DMD: variants seen among roughly 807,000 people sequenced by gnomAD.
DMD encodes the protein mutant dystrophin.
DMD carries 63 observed loss-of-function variants against 330.1 expected under a neutral mutation model. The ratio of observed to expected loss-of-function variants is 0.19; its 90% confidence interval spans 0.16 to 0.24. DMD has a LOEUF of 0.24. Among genes scored for constraint, DMD ranks in the 10% least tolerant of loss-of-function variants. The pLI, the probability that DMD is intolerant of heterozygous loss-of-function variation, is 1.00. For missense variants in DMD, 3,344 were observed against 2,684.1 expected (o/e 1.25, Z -5.43); for synonymous variants, 1,223 against 959.8 (o/e 1.27, Z -5.07).
intron 7 of DMD, among the ~76,000 whole-genome samples, chrX:32,798,982 C>G (rs1364355070): frequency 9.0e-6 from 1 of 111,205 alleles, no homozygotes; most frequent in Non-Finnish European, 1.9e-5. Flanking sequence ...TAAAACAGCC[C>G]TTGTTCAGCC....
chrX:31,651,021 T>C (rs903278428), intron 54 of DMD, among the ~76,000 whole-genome samples: 3 of 111,898 alleles, frequency 2.7e-5, no homozygotes, highest in Non-Finnish European at 5.6e-5. Context: ...AGAGAGGGAA[T>C]TGTTTCTAGA....
chrX:32,810,539 C>G (rs781541540), intron 6 of DMD, among the ~76,000 whole-genome samples: 27 of 112,011 alleles, frequency 2.4e-4, no homozygotes, highest in African/African-American at 8.8e-4. Context: ...CAGATAAAAA[C>G]CCTTGGAGTC....
chrX:33,260,200 T>C (rs2052931568), intron 1 of DMD, among the ~76,000 whole-genome samples: 1 of 111,696 alleles, frequency 9.0e-6, no homozygotes, highest in Non-Finnish European at 1.9e-5. Flanking sequence ...GAGATTTTGT[T>C]GTTACATAAC....
Position 31,658,028 on chromosome X carries a change from T to C in DMD, c.7989A>G (p.Thr2663=). 1 of 1,211,086 alleles carries C rather than the reference T, an allele frequency of 8.3e-7. No individual in the cohort carries two copies. Among genetic ancestry groups the C allele is most frequent in the Non-Finnish European group, 1.1e-6 (1 of 894,779 alleles). ...TTCTCCAAGAGGCATTGATATTCTC[T>C]GTTATCATGTGGACTTTTCTGGTAT... ...ADDTRKVHMI[T]ENINASWRSI... is the part of the protein sequence containing the mutation. Residue 2663 remains threonine (T), a synonymous_variant, in exon 54 of 79, where the codon ACA becomes ACG. Transcript: ENST00000357033.
chrX:31,181,051 T>A (rs1033527018), intron 68 of DMD, among the ~76,000 whole-genome samples: 1 of 112,013 alleles, frequency 8.9e-6, no homozygotes, highest in Non-Finnish European at 1.9e-5. Context: ...TATCTCTATC[T>A]CTTCAGAAAT....
At chrX:31,232,769 G>C (rs912264004) in intron 63 of DMD, among the ~76,000 whole-genome samples, 1 of 111,678 alleles carries the variant, frequency 9.0e-6, no homozygotes, top group Non-Finnish European at 1.9e-5. Context: ...ACACCAGGGC[G>C]CATGAGGAGC....
At chrX:32,805,616 A>AC (rs2076895459) in intron 7 of DMD, among the ~76,000 whole-genome samples, 1 of 111,053 alleles carries the variant, frequency 9.0e-6, no homozygotes, top group East Asian at 2.8e-4. Flanking sequence ...AAAAAGAGCA[A>AC]CCCCAAGACA....
chrX:32,620,917 G>A (rs1242763616), intron 11 of DMD, among the ~76,000 whole-genome samples: 1 of 111,830 alleles, frequency 8.9e-6, no homozygotes, highest in East Asian at 2.8e-4. Context: ...CCTAAGAGTT[G>A]AGACTTGAAA....
chrX:32,677,841 A>G (rs1278486879), intron 9 of DMD, among the ~76,000 whole-genome samples: 2 of 111,942 alleles, frequency 1.8e-5, no homozygotes, highest in Non-Finnish European at 3.8e-5. Flanking sequence ...AATAGTCACG[A>G]TGTGGGAACA....
chrX:33,311,306 C>T (rs184639770), intron 1 of DMD, among the ~76,000 whole-genome samples: 1 of 109,331 alleles, frequency 9.1e-6, no homozygotes, highest in Admixed American at 9.9e-5. Context: ...TATATAGATA[C>T]ACACATATGT....
intron 4 of DMD, among the ~76,000 whole-genome samples, chrX:32,832,031 G>A (rs1423186486): frequency 3.6e-5 from 4 of 110,843 alleles, no homozygotes; most frequent in African/African-American, 9.8e-5. Context: ...AAAGCAGGTC[G>A]TTTCTCACAT....
chrX:32,651,707 C>G (rs762032140), intron 9 of DMD, among the ~76,000 whole-genome samples: 1 of 111,594 alleles, frequency 9.0e-6, no homozygotes, highest in Admixed American at 9.5e-5. Flanking sequence ...CCATGATGTC[C>G]TTATTTCACA....
At chrX:33,258,660 T>A (rs2052899199) in intron 1 of DMD, among the ~76,000 whole-genome samples, 2 of 111,023 alleles carry the variant, frequency 1.8e-5, no homozygotes, top group African/African-American at 3.3e-5. Flanking sequence ...TTCTCCACTT[T>A]ATCCTAGTAT....
intron 1 of DMD, among the ~76,000 whole-genome samples, chrX:33,181,778 A>C (rs1026603598): frequency 2.2e-4 from 25 of 112,169 alleles, no homozygotes; most frequent in African/African-American, 8.1e-4. Context: ...GTTAATGCAC[A>C]GAGGCTTTGA....
At position 32,595,339 on chromosome X, in the gene DMD, T is replaced by A. The variant is rs772862214; in HGVS notation, c.1602+418A>T. 2.7e-5 allele frequency among the ~76,000 whole-genome samples: 3 copies of A among 111,714 alleles called. No homozygotes were observed. The East Asian group carries it at 8.5e-4, about 32-fold the overall frequency. On this transcript the variant is annotated intron_variant, in intron 13 of 78. Transcript: ENST00000357033. ...TCAAGATGCCTTAACCACACAAGCA[T>A]CACCTTGGATGAATTATATTGAAAA... is the stretch of plus-strand genomic sequence containing the variant.
chrX:32,643,227 C>A (rs943946178), intron 11 of DMD, among the ~76,000 whole-genome samples: 4 of 110,989 alleles, frequency 3.6e-5, no homozygotes, highest in African/African-American at 6.5e-5. Context: ...CTTATTTATT[C>A]TTTCAAAAGG....
At chrX:32,303,706 T>C (rs2097531141) in intron 42 of DMD, among the ~76,000 whole-genome samples, 1 of 109,359 alleles carries the variant, frequency 9.1e-6, no homozygotes, top group African/African-American at 3.3e-5. Flanking sequence ...CGTTGGGGAG[T>C]AGATCTATCT....
intron 62 of DMD, among the ~76,000 whole-genome samples, chrX:31,265,783 T>TGGGGGG (rs57593344): frequency 1.2e-4 from 2 of 16,268 alleles, no homozygotes; most frequent in African/African-American, 3.0e-4. Context: ...ATTGGGGGTG[T>TGGGGGG]GGGGGGGGGG....
intron 51 of DMD, among the ~76,000 whole-genome samples, chrX:31,763,473 G>C (rs750776317): frequency 1.7e-4 from 19 of 112,107 alleles, no homozygotes; most frequent in Non-Finnish European, 3.2e-4. Flanking sequence ...TGAAGCAGGA[G>C]AATCGCTTGA....
Sources: allele counts gnomAD v4.1 joint callset (sites outside exome capture counted in the v4.1 genomes callset), GRCh38; gene constraint gnomAD v4.1.1; transcripts MANE v1.5; gene names NCBI Gene and HGNC (gene_info 2026-07-23, HGNC 2026-07-21).